The following STK33 variants were observed in gnomAD, a reference collection of about 807,000 sequenced individuals.
The protein encoded by STK33 is serine/threonine-protein kinase 33.
A neutral mutation model predicts 58.0 loss-of-function variants in STK33; 52 were observed. That is an observed-to-expected ratio of 0.90 (90% CI 0.72 to 1.13). The LOEUF is 1.13. Among genes scored for constraint, STK33 ranks in the 50% most tolerant of loss-of-function variants. STK33 has a pLI of 0.00. For synonymous variants in STK33, 215 were observed against 200.1 expected, an observed-to-expected ratio of 1.07 and a Z score of -0.63; for missense variants, 630 against 604.2, an observed-to-expected ratio of 1.04 and a Z score of -0.45.
chr11:8,435,483 T>C lies in STK33; in HGVS notation c.1146+11A>G. 7.3e-7 allele frequency: 1 copy of C among 1,377,900 alleles called. No homozygotes were observed. The highest frequency in any genetic ancestry group is 9.6e-7 in the Non-Finnish European group (1 of 1,038,380). 85.4% of individuals were successfully genotyped at this position (1,377,900 alleles called of 1,614,324 possible). ...GCATGTCAGAAAGAAAAAAGTAATA[T>C]TGTAACTTACTGTTAACCACTGGTT... is the stretch of plus-strand genomic sequence containing the variant. On this transcript the variant is annotated intron_variant, in intron 14 of 15. Coordinates refer to ENST00000687296, the MANE Select transcript of STK33 (RefSeq NM_001352389.2).
At chr11:8,354,653 C>A in the STK33 span, among the ~76,000 whole-genome samples, 1 of 152,184 alleles carries the variant, frequency 6.6e-6, no homozygotes, top group Admixed American at 6.5e-5. Context: ...GAAGAAAGTC[C>A]AGAATGCTGT....
At chr11:8,426,821 T>C (rs1177254136) in intron 14 of STK33, among the ~76,000 whole-genome samples, 1 of 152,142 alleles carries the variant, frequency 6.6e-6, no homozygotes, top group Non-Finnish European at 1.5e-5. Context: ...TTCCATATCA[T>C]TGTTATTTCA....
intron 1 of STK33, among the ~76,000 whole-genome samples, chr11:8,593,489 C>T (rs963536417): frequency 6.6e-6 from 1 of 152,174 alleles, no homozygotes; most frequent in African/African-American, 2.4e-5. Flanking sequence ...CTGAAACCCA[C>T]GACCTTGTGA....
chr11:8,393,296 G>T (rs778098088), intron 15 of STK33, among the ~76,000 whole-genome samples: 14 of 152,166 alleles, frequency 9.2e-5, no homozygotes, highest in Non-Finnish European at 1.6e-4. Flanking sequence ...CTTACCATAA[G>T]AATGAAGAGA....
chr11:8,534,560 C>CTGTGTGTGTG (rs1230223586), intron 1 of STK33, among the ~76,000 whole-genome samples: 4 of 119,968 alleles, frequency 3.3e-5, no homozygotes, highest in African/African-American at 1.4e-4. Flanking sequence ...CTCTCTCTCT[C>CTGTGTGTGTG]TCTCTCTCTG....
chr11:8,413,258 C>T (rs1489824390), intron 15 of STK33, among the ~76,000 whole-genome samples: 1 of 152,184 alleles, frequency 6.6e-6, no homozygotes, highest in Non-Finnish European at 1.5e-5. Flanking sequence ...ACTGTTTGTT[C>T]CCTTACAGAA....
chr11:8,403,721 C>T (rs1007457516), intron 15 of STK33, among the ~76,000 whole-genome samples: 2 of 152,158 alleles, frequency 1.3e-5, no homozygotes, highest in Admixed American at 1.3e-4. Context: ...ATTTCTCTAG[C>T]TTATATTATT....
chr11:8,423,855 G>T (rs1333275325), intron 14 of STK33, among the ~76,000 whole-genome samples: 2 of 151,784 alleles, frequency 1.3e-5, no homozygotes, highest in South Asian at 4.2e-4. Context: ...GTCAATTTTT[G>T]ATATATATTT....
At chr11:8,335,937 G>C in the STK33 span, among the ~76,000 whole-genome samples, 6 of 152,214 alleles carry the variant, frequency 3.9e-5, no homozygotes, top group African/African-American at 1.4e-4. Flanking sequence ...ACAGCACAGA[G>C]ACCAGCATGC....
At chr11:8,551,944 C>A (rs1475146327) in intron 1 of STK33, among the ~76,000 whole-genome samples, 2 of 152,022 alleles carry the variant, frequency 1.3e-5, no homozygotes, top group South Asian at 2.1e-4. Context: ...GGTGTCCCTG[C>A]TGATTGGAGA....
intron 15 of STK33, 80 bp downstream of exon 15, chr11:8,413,414 AG>A: frequency 6.8e-7 from 1 of 1,461,864 alleles, no homozygotes. Context: ...AACAACAAAA[AG>A]ACAGATTTGC....
intron 11 of STK33, among the ~76,000 whole-genome samples, chr11:8,446,325 C>A (rs1007453331): frequency 1.3e-5 from 2 of 151,994 alleles, no homozygotes; most frequent in Non-Finnish European, 1.5e-5. Context: ...TTCAAAAAAC[C>A]AGCTCCTGGA....
intron 1 of STK33, among the ~76,000 whole-genome samples, chr11:8,552,544 T>C (rs1357877964): frequency 6.6e-6 from 1 of 152,216 alleles, no homozygotes; most frequent in Non-Finnish European, 1.5e-5. Context: ...TATATCCTTA[T>C]TCTATAAGCT....
At chr11:8,455,336 C>T (rs372628672) in intron 9 of STK33, among the ~76,000 whole-genome samples, 1 of 152,182 alleles carries the variant, frequency 6.6e-6, no homozygotes, top group Non-Finnish European at 1.5e-5. Context: ...TTTTCCTACT[C>T]TTTATGTAGT....
At chr11:8,515,793 T>TA (rs1215984576) in intron 1 of STK33, among the ~76,000 whole-genome samples, 4 of 152,016 alleles carry the variant, frequency 2.6e-5, no homozygotes, top group South Asian at 2.1e-4. Context: ...TTTTTCATGA[T>TA]AAAAAACAAA....
At position 8,436,038 on chromosome 11, in the gene STK33, A is replaced by C. The variant is rs1944022982; in HGVS notation, c.1049T>G (p.Ile350Arg). Residue 350 changes from isoleucine to arginine, a missense_variant, in exon 13 of 16, where the codon ATA becomes AGA. Coordinates refer to ENST00000687296, the MANE Select transcript of STK33 (RefSeq NM_001352389.2). ...LHFENAVWNS[I>R]SDCAKSVLKQ... ...GCATCTATACTTACCACAGTCACTTATGGAATTCCAGACTGCATTTTCAAA... is the reference window on the plus strand; with the variant it reads ...GCATCTATACTTACCACAGTCACTTCTGGAATTCCAGACTGCATTTTCAAA... 6.3e-6 allele frequency: 10 copies of C among 1,576,718 alleles called. No homozygotes were observed. The highest frequency in any genetic ancestry group is 8.6e-6 in the Non-Finnish European group (10 of 1,160,886).
At position 8,392,525 on chromosome 11, in the gene STK33, G is replaced by A; in HGVS notation, c.1530C>T (p.Thr510=). 1 of 1,614,020 alleles carries A rather than the reference G, an allele frequency of 6.2e-7. No individual in the cohort carries two copies. Residue 510 remains threonine, a synonymous_variant, in exon 16 of 16, where the codon ACC becomes ACT. Coordinates refer to ENST00000687296, the MANE Select transcript of STK33 (RefSeq NM_001352389.2). ...GGAGGGAACCTTAGAGTTTCTTTTT[G>A]GTTCTGGACAGGGCGCCGGATTTAG... ...YPAKSGALSR[T]KKKL
chr11:8,368,012 C>T, the STK33 span, among the ~76,000 whole-genome samples: 8 of 152,182 alleles, frequency 5.3e-5, no homozygotes, highest in Admixed American at 1.3e-4. Flanking sequence ...GGAAGGGCAG[C>T]GAGCATGTGA....
At chr11:8,589,166 A>T (rs2032199062) in intron 1 of STK33, among the ~76,000 whole-genome samples, 1 of 152,212 alleles carries the variant, frequency 6.6e-6, no homozygotes, top group Non-Finnish European at 1.5e-5. Context: ...ACTCCTAGAG[A>T]ACCCAGAAGA....
Sources: allele counts gnomAD v4.1 joint callset (sites outside exome capture counted in the v4.1 genomes callset), GRCh38; gene constraint gnomAD v4.1.1; transcripts MANE v1.5; gene names NCBI Gene and HGNC (gene_info 2026-07-23, HGNC 2026-07-21).